Variants in GPM6A observed in about 807,000 individuals in gnomAD.
The protein encoded by GPM6A is glycoprotein M6A.
GPM6A carries 7 observed loss-of-function variants against 32.1 expected under a neutral mutation model. The ratio of observed to expected loss-of-function variants is 0.22; its 90% CI spans 0.12 to 0.41. The LOEUF (loss-of-function observed/expected upper bound fraction) is 0.41. Ranked by LOEUF, GPM6A falls within the 10% of genes least tolerant of loss-of-function variation. GPM6A has a pLI of 1.00. For synonymous variants in GPM6A, 130 were observed against 123.4 expected (o/e 1.05, Z -0.35); for missense variants, 235 against 347.2 (o/e 0.68, Z 2.57).
chr4:175,655,963 G>A (rs140531667), intron 3 of GPM6A, among the ~76,000 whole-genome samples: 71 of 152,120 alleles, frequency 4.7e-4, no homozygotes, highest in African/African-American at 1.6e-3. Context: ...TCAAAGGGTA[G>A]GTATGGACAT....
At chr4:175,815,310 C>T (rs537870414), upstream of GPM6A, among the ~76,000 whole-genome samples, 2 of 152,144 alleles carry the variant, frequency 1.3e-5, no homozygotes, top group South Asian at 2.1e-4. Flanking sequence ...CCACCAAGCC[C>T]AGCCAAGTTG....
intron 1 of GPM6A, among the ~76,000 whole-genome samples, chr4:175,898,936 T>C (rs1170672361): frequency 1.3e-5 from 2 of 152,200 alleles, no homozygotes; most frequent in Non-Finnish European, 2.9e-5. Flanking sequence ...GGTACCGTTC[T>C]CAGTACTAGA....
intron 1 of GPM6A, among the ~76,000 whole-genome samples, chr4:175,831,258 C>T (rs908382100): frequency 6.6e-6 from 1 of 152,060 alleles, no homozygotes; most frequent in Admixed American, 6.6e-5. Context: ...ATACTTTAGC[C>T]TGAAGACACC....
chr4:175,923,562 G>T lies in GPM6A; in HGVS notation c.-23+78747C>A, dbSNP rs1401464750. Among the ~76,000 whole-genome samples the T allele has an allele frequency of 1.3e-4, 20 of 151,500 alleles. No homozygotes were observed. The East Asian group carries it at 3.3e-3, about 25-fold the overall frequency. The stretch of plus-strand genomic sequence containing the variant: ...GCTTTGTGTTTTTTTGTTGTTGTTT[G>T]TTTGTTTTTAAGACAAGATCGGGCT... On this transcript the variant is annotated intron_variant, in intron 1 of 7. Coordinates refer to the GPM6A transcript ENST00000280187.
intron 1 of GPM6A, among the ~76,000 whole-genome samples, chr4:175,790,587 C>T (rs1410947843): frequency 3.3e-5 from 5 of 151,982 alleles, no homozygotes; most frequent in African/African-American, 7.3e-5. Context: ...CAAATGACAC[C>T]GGGGTGTACA....
At chr4:175,663,388 G>A (rs997495423) in intron 3 of GPM6A, among the ~76,000 whole-genome samples, 9 of 152,184 alleles carry the variant, frequency 5.9e-5, no homozygotes, top group Admixed American at 5.9e-4. Context: ...AGGTGATGGG[G>A]TTTGGGGAGA....
chr4:175,813,144 T>C (rs995916249), upstream of GPM6A: 5 of 880,456 alleles, frequency 5.7e-6, no homozygotes, highest in Non-Finnish European at 4.1e-6. Context: ...GTTATGATTA[T>C]AGCCCACGAA....
At chr4:175,825,029 A>G (rs1000567982) in intron 1 of GPM6A, among the ~76,000 whole-genome samples, 4 of 152,226 alleles carry the variant, frequency 2.6e-5, no homozygotes, top group African/African-American at 9.6e-5. Context: ...TAACGCTTGT[A>G]GCTAAATGGG....
intron 1 of GPM6A, among the ~76,000 whole-genome samples, chr4:175,994,219 G>A (rs1741235466): frequency 6.6e-6 from 1 of 152,172 alleles, no homozygotes; most frequent in Non-Finnish European, 1.5e-5. Context: ...CACCCAAGAA[G>A]GCTGATTAGT....
intron 1 of GPM6A, among the ~76,000 whole-genome samples, chr4:175,753,097 C>T (rs1254743162): frequency 1.3e-5 from 2 of 152,122 alleles, no homozygotes; most frequent in East Asian, 1.9e-4. Flanking sequence ...GCAACTTTAT[C>T]GTTTTGTCTG....
intron 1 of GPM6A, among the ~76,000 whole-genome samples, chr4:175,704,923 G>A (rs1234912412): frequency 1.3e-5 from 2 of 152,182 alleles, no homozygotes; most frequent in Non-Finnish European, 2.9e-5. Context: ...GGATAGCTCA[G>A]GAGCAGATAA....
intron 1 of GPM6A, among the ~76,000 whole-genome samples, chr4:175,908,694 A>C (rs1738207635): frequency 6.6e-6 from 1 of 152,138 alleles, no homozygotes; most frequent in South Asian, 2.1e-4. Context: ...GATCTCAACA[A>C]AGGAAGGATA....
chr4:175,640,954 G>T, intron 4 of GPM6A, 125 bp from the exon 5 acceptor site: 1 of 638,036 alleles, frequency 1.6e-6, no homozygotes, highest in Non-Finnish European at 2.8e-6. Context: ...TGTTACAGTG[G>T]AAAAATAATC....
chr4:175,936,364 T>TA (rs1739235773), intron 1 of GPM6A, among the ~76,000 whole-genome samples: 2 of 116,074 alleles, frequency 1.7e-5, no homozygotes, highest in South Asian at 5.6e-4. Context: ...ATAATAAAAT[T>TA]AAAATAATTT....
chr4:175,814,938 A>C (rs913826099), upstream of GPM6A, among the ~76,000 whole-genome samples: 2 of 152,140 alleles, frequency 1.3e-5, no homozygotes, highest in African/African-American at 4.8e-5. Context: ...CCACAAACTG[A>C]AACTCTGTGC....
At chr4:175,690,329 C>T (rs1744225675) in intron 2 of GPM6A, among the ~76,000 whole-genome samples, 1 of 152,196 alleles carries the variant, frequency 6.6e-6, no homozygotes, top group African/African-American at 2.4e-5. Flanking sequence ...AACTCAAACA[C>T]TCTGTAAAAA....
At chr4:175,806,332 C>T (rs893279126) in intron 1 of GPM6A, among the ~76,000 whole-genome samples, 1 of 152,332 alleles carries the variant, frequency 6.6e-6, no homozygotes, top group South Asian at 2.1e-4. Flanking sequence ...TCACGCTGTA[C>T]TTCTCATTTA....
chr4:175,640,053 A>G (rs1741046796), intron 6 of GPM6A, 76 bp downstream of exon 6: 3 of 1,134,932 alleles, frequency 2.6e-6, no homozygotes, highest in Non-Finnish European at 4.0e-6. Context: ...AACTTTAGAG[A>G]TAGTTTATCA....
intron 1 of GPM6A, among the ~76,000 whole-genome samples, chr4:176,001,915 T>C (rs191139096): frequency 1.6e-4 from 24 of 152,318 alleles, no homozygotes; most frequent in African/African-American, 4.8e-4. Flanking sequence ...GACAGAGATC[T>C]CCCTGTAATC....
Sources: allele counts gnomAD v4.1 joint callset (sites outside exome capture counted in the v4.1 genomes callset), GRCh38; gene constraint gnomAD v4.1.1; transcripts MANE v1.5; gene names NCBI Gene and HGNC (gene_info 2026-07-23, HGNC 2026-07-21).